Variants in IGSF21 observed in about 807,000 individuals in gnomAD.
IGSF21 encodes immunoglobulin superfamily member 21.
IGSF21 carries 28 observed loss-of-function variants against 46.8 expected under a neutral mutation model. The ratio of observed to expected loss-of-function variants is 0.60; its 90% CI spans 0.44 to 0.82. The LOEUF (loss-of-function observed/expected upper bound fraction) is 0.82. Ranked by LOEUF, IGSF21 falls within the 40% of genes least tolerant of loss-of-function variation. IGSF21 has a pLI of 0.00. For missense variants in IGSF21, 624 were observed against 665.5 expected, an observed-to-expected ratio of 0.94 and a Z score of 0.69; for synonymous variants, 284 against 273.6, an observed-to-expected ratio of 1.04 and a Z score of -0.38.
chr1:18,332,530 C>T (rs1368996445), intron 3 of IGSF21, among the ~76,000 whole-genome samples: 1 of 151,452 alleles, frequency 6.6e-6, no homozygotes, highest in African/African-American at 2.4e-5. Context: ...ATATGTCACT[C>T]CAGGTGACTG....
chr1:18,145,482 A>G (rs1010230621), intron 1 of IGSF21, among the ~76,000 whole-genome samples: 1 of 152,100 alleles, frequency 6.6e-6, no homozygotes, highest in Non-Finnish European at 1.5e-5. Context: ...CCTGGTTCCC[A>G]TGAGGCAGCC....
intron 2 of IGSF21, among the ~76,000 whole-genome samples, chr1:18,239,757 C>G (rs1015535175): frequency 6.6e-6 from 1 of 152,100 alleles, no homozygotes; most frequent in Non-Finnish European, 1.5e-5. Context: ...GTGTTGCCCC[C>G]CCTCCCCGCC....
intron 1 of IGSF21, among the ~76,000 whole-genome samples, chr1:18,148,706 G>A (rs72942400): frequency 0.16 from 25,047 of 152,198 alleles, 2,170 homozygotes; most frequent in Non-Finnish European, 0.17. Flanking sequence ...TTTGTGGAGT[G>A]AGAGGATGTG....
Position 18,338,541 on chromosome 1 carries a change from C to T in IGSF21, c.424+3531C>T, listed in dbSNP as rs576777174. 9.2e-5 allele frequency among the ~76,000 whole-genome samples: 14 copies of T among 152,282 alleles called. No homozygotes were observed. In the South Asian group the frequency reaches 2.5e-3, roughly 27 times the overall value. On this transcript the variant is annotated intron_variant, in intron 4 of 9. Coordinates refer to ENST00000251296, the MANE Select transcript of IGSF21 (RefSeq NM_032880.5). ...CGAGGAGCTGGGGACGGCCCAGGGCCCACCTGCCTCAAAGCACAGAGCAGT... is the reference window on the plus strand; with the variant it reads ...CGAGGAGCTGGGGACGGCCCAGGGCTCACCTGCCTCAAAGCACAGAGCAGT...
chr1:18,227,169 G>A (rs2084576403), intron 1 of IGSF21, among the ~76,000 whole-genome samples: 1 of 152,164 alleles, frequency 6.6e-6, no homozygotes, highest in Admixed American at 6.5e-5. Context: ...CACTGCCATG[G>A]CCAAGGCTTG....
At chr1:18,262,008 G>A (rs2124537406) in intron 2 of IGSF21, among the ~76,000 whole-genome samples, 1 of 152,294 alleles carries the variant, frequency 6.6e-6, no homozygotes, top group Non-Finnish European at 1.5e-5. Context: ...TCTCCAATGT[G>A]TGTAAGAATC....
At chr1:18,224,761 G>A (rs918325495) in intron 1 of IGSF21, among the ~76,000 whole-genome samples, 4 of 152,096 alleles carry the variant, frequency 2.6e-5, no homozygotes, top group African/African-American at 9.7e-5. Flanking sequence ...AAAATTCATG[G>A]ATGTTGGAAA....
intron 4 of IGSF21, among the ~76,000 whole-genome samples, chr1:18,357,085 G>A (rs879808918): frequency 1.3e-5 from 2 of 151,154 alleles, no homozygotes; most frequent in African/African-American, 2.4e-5. Context: ...GATAGAGGTG[G>A]AGATGGGCAT....
At chr1:18,351,893 C>G (rs1384770236) in intron 4 of IGSF21, among the ~76,000 whole-genome samples, 5 of 152,214 alleles carry the variant, frequency 3.3e-5, no homozygotes, top group African/African-American at 7.2e-5. Flanking sequence ...GAGGCAGTTG[C>G]AGGCAGCGGC....
At chr1:18,211,072 A>G (rs1360080807) in intron 1 of IGSF21, among the ~76,000 whole-genome samples, 1 of 152,120 alleles carries the variant, frequency 6.6e-6, no homozygotes, top group African/African-American at 2.4e-5. Context: ...GGGTTTCACC[A>G]TATTAGCCAG....
chr1:18,301,375 T>C (rs1402244035), intron 3 of IGSF21, among the ~76,000 whole-genome samples: 2 of 152,230 alleles, frequency 1.3e-5, no homozygotes, highest in Non-Finnish European at 2.9e-5. Flanking sequence ...AGTCTTGCTC[T>C]GTCGCCCAGG....
At chr1:18,214,408 C>T (rs2084421950) in intron 1 of IGSF21, among the ~76,000 whole-genome samples, 1 of 152,114 alleles carries the variant, frequency 6.6e-6, no homozygotes, top group African/African-American at 2.4e-5. Context: ...CTCTGATGTT[C>T]TTTCATGGCC....
At chr1:18,323,586 G>A (rs543813596) in intron 3 of IGSF21, among the ~76,000 whole-genome samples, 68 of 152,282 alleles carry the variant, frequency 4.5e-4, no homozygotes, top group African/African-American at 1.5e-3. Flanking sequence ...TTTAAGAGAC[G>A]TCTATGGCAG....
intron 1 of IGSF21, chr1:18,110,227 T>A (rs2086130433): frequency 6.6e-6 from 1 of 152,192 alleles, no homozygotes; most frequent in African/African-American, 2.4e-5. Flanking sequence ...TGGGAAACTT[T>A]CCGCGTCTGG....
chr1:18,167,066 T>C (rs895816905), intron 1 of IGSF21: 1 of 152,944 alleles, frequency 6.5e-6, no homozygotes, highest in South Asian at 2.1e-4. Flanking sequence ...GGAGTTTGAC[T>C]GTGAGGCCAC....
intron 2 of IGSF21, chr1:18,278,810 C>T (rs886084137): frequency 4.2e-6 from 2 of 470,684 alleles, no homozygotes; most frequent in South Asian, 3.1e-5. Flanking sequence ...CCTGCCTCGG[C>T]CTCCAAAAGT....
At chr1:18,278,486 C>G (rs1290904175) in intron 2 of IGSF21, among the ~76,000 whole-genome samples, 1 of 151,854 alleles carries the variant, frequency 6.6e-6, no homozygotes, top group Non-Finnish European at 1.5e-5. Flanking sequence ...AGTGATCTGC[C>G]TGCCTCGGCC....
intron 6 of IGSF21, among the ~76,000 whole-genome samples, chr1:18,370,136 G>A (rs2086210130): frequency 6.6e-6 from 1 of 152,148 alleles, no homozygotes; most frequent in South Asian, 2.1e-4. Flanking sequence ...TGGGTTATTA[G>A]AGTAGCCTTC....
intron 1 of IGSF21, among the ~76,000 whole-genome samples, chr1:18,143,535 A>G (rs963914530): frequency 1.8e-4 from 28 of 152,046 alleles, no homozygotes; most frequent in Non-Finnish European, 2.5e-4. Flanking sequence ...TTTCCTTGTC[A>G]GTGTCCAGCT....
Sources: gnomAD v4.1 joint callset for allele counts (sites outside exome capture counted in the v4.1 genomes callset) on GRCh38, gnomAD v4.1.1 for gene constraint, MANE v1.5 for transcripts, NCBI Gene and HGNC (gene_info 2026-07-23, HGNC 2026-07-21) for gene names.